Variants in ADGRV1 observed in about 807,000 individuals in gnomAD.
ADGRV1 encodes adhesion G protein-coupled receptor V1, also known as G-protein coupled receptor 98.
In ADGRV1, 359 loss-of-function variants were observed where a neutral mutation model predicts 596.2. The observed-to-expected ratio is 0.60, with a 90% confidence interval of 0.55 to 0.66. The LOEUF (loss-of-function observed/expected upper bound fraction) is 0.66. ADGRV1 is among the 30% of genes least tolerant of loss of function. The pLI, the probability that ADGRV1 is intolerant of heterozygous loss-of-function variation, is 0.00. For missense variants in ADGRV1, 7,274 were observed against 7,575.6 expected, an observed-to-expected ratio of 0.96 and a Z score of 1.48; for synonymous variants, 2,681 against 2,679.2, an observed-to-expected ratio of 1.00 and a Z score of -0.02.
chr5:90,560,312 C>A (rs1342271805), intron 1 of ADGRV1, among the ~76,000 whole-genome samples: 1 of 152,076 alleles, frequency 6.6e-6, no homozygotes, highest in African/African-American at 2.4e-5. Flanking sequence ...ACGACTGAAT[C>A]CTATCTCCAT....
At chr5:91,090,213 T>TC (rs562362190) in intron 86 of ADGRV1, among the ~76,000 whole-genome samples, 3 of 152,074 alleles carry the variant, frequency 2.0e-5, no homozygotes, top group Non-Finnish European at 4.4e-5. Flanking sequence ...ATCTATTTGA[T>TC]CCCCCCTCAG....
intron 34 of ADGRV1, among the ~76,000 whole-genome samples, chr5:90,698,681 A>G (rs1357871540): frequency 1.3e-5 from 2 of 152,286 alleles, no homozygotes; most frequent in South Asian, 2.1e-4. Context: ...GATAGCTGAA[A>G]TCTGGAAAAT....
At chr5:91,139,750 T>C (rs1239096379) in intron 87 of ADGRV1, among the ~76,000 whole-genome samples, 2 of 152,228 alleles carry the variant, frequency 1.3e-5, no homozygotes, top group Non-Finnish European at 2.9e-5. Context: ...TGTTACATAG[T>C]TCAGCCTGTT....
At chr5:90,599,315 A>T (rs1000227380) in intron 1 of ADGRV1, among the ~76,000 whole-genome samples, 5 of 152,212 alleles carry the variant, frequency 3.3e-5, no homozygotes, top group Non-Finnish European at 7.3e-5. Flanking sequence ...GCTCTCACCC[A>T]TCTAAATGAT....
chr5:91,030,240 C>A (rs1445331288), intron 85 of ADGRV1, among the ~76,000 whole-genome samples: 1 of 152,038 alleles, frequency 6.6e-6, no homozygotes, highest in South Asian at 2.1e-4. Context: ...CTTAGATAAA[C>A]CCTTTATTTT....
intron 78 of ADGRV1, among the ~76,000 whole-genome samples, chr5:90,842,607 A>G (rs929511040): frequency 1.3e-5 from 2 of 152,016 alleles, no homozygotes; most frequent in African/African-American, 4.8e-5. Flanking sequence ...AGTCCCAGCT[A>G]TTTGGGAGGC....
chr5:90,803,074 GA>G (rs1293938112), intron 71 of ADGRV1, among the ~76,000 whole-genome samples, 192 bp downstream of exon 71: 1 of 151,534 alleles, frequency 6.6e-6, no homozygotes, highest in African/African-American at 2.4e-5. Context: ...CATTCAGTAG[GA>G]AAAAAAGAGA....
Position 91,090,834 on chromosome 5 carries a change from A to G in ADGRV1, c.18311-11385A>G, listed in dbSNP as rs183656858. ...TTAAAAATTGTGGGTCACACAGTGC[A>G]TTGATGAGTCCCACTGCCAACCTAT... On this transcript the variant is annotated intron_variant, in intron 86 of 89. Coordinates refer to ENST00000405460, the MANE Select transcript of ADGRV1 (RefSeq NM_032119.4). Among the ~76,000 whole-genome samples, 56 of 152,260 alleles carry G rather than the reference A, an allele frequency of 3.7e-4. No individual in the cohort carries two copies. The East Asian group carries it at 9.7e-3, about 26-fold the overall frequency.
At chr5:90,746,889 C>G (rs961911007) in intron 52 of ADGRV1, among the ~76,000 whole-genome samples, 1 of 152,110 alleles carries the variant, frequency 6.6e-6, no homozygotes, top group African/African-American at 2.4e-5. Flanking sequence ...ATGCTACAGT[C>G]ATGTTAGAAA....
chr5:91,109,466 G>A (rs1792175263), intron 87 of ADGRV1, among the ~76,000 whole-genome samples: 1 of 152,120 alleles, frequency 6.6e-6, no homozygotes, highest in African/African-American at 2.4e-5. Flanking sequence ...TCAAAAGAGG[G>A]ACTCTGACTT....
At chr5:90,787,427 A>G (rs1450168131) in intron 67 of ADGRV1, among the ~76,000 whole-genome samples, 1 of 152,164 alleles carries the variant, frequency 6.6e-6, no homozygotes, top group Non-Finnish European at 1.5e-5. Flanking sequence ...TGCACACAGC[A>G]GGACAGTATT....
At chr5:90,596,170 G>A (rs1318732658) in intron 1 of ADGRV1, among the ~76,000 whole-genome samples, 3,736 of 144,758 alleles carry the variant, frequency 0.026, 145 homozygotes, top group African/African-American at 0.093. Flanking sequence ...GGGCAGAGGC[G>A]CTCCCCACAT....
At chr5:90,613,819 A>G (rs1218850714) in intron 1 of ADGRV1, among the ~76,000 whole-genome samples, 2 of 152,156 alleles carry the variant, frequency 1.3e-5, no homozygotes, top group Admixed American at 6.6e-5. Flanking sequence ...GTATAAAGCC[A>G]TGTGTAGCCA....
At chr5:91,071,996 A>G (rs1010373521) in intron 85 of ADGRV1, among the ~76,000 whole-genome samples, 1 of 152,110 alleles carries the variant, frequency 6.6e-6, no homozygotes, top group African/African-American at 2.4e-5. Flanking sequence ...TATTTTAAAG[A>G]TGAGAGACAG....
chr5:90,619,154 T>G lies in ADGRV1; in HGVS notation c.426T>G (p.Asn142Lys). 1 of 1,480,350 alleles carries G rather than the reference T, an allele frequency of 6.8e-7. No individual in the cohort carries two copies. The highest frequency in any genetic ancestry group is 9.1e-7 in the Non-Finnish European group (1 of 1,102,468). The allele number at this position is 1,480,350 out of a possible 1,614,324, so 91.7% of individuals were successfully genotyped here. A position where few individuals can be genotyped will look rare whatever the true frequency, so the allele number is the denominator to read the frequency against. ...CTGTGACAATATTATCAAATGACAA[T>G]GCATTTGGAATTATTTCATTTAATA... Reference protein sequence around the residue: ...TVTVTILSNDNAFGIISFNML... With the variant: ...TVTVTILSNDKAFGIISFNML... Residue 142 changes from asparagine to lysine, a missense_variant, in exon 4 of 90, where the codon AAT becomes AAG. This residue lies in a region of ADGRV1 where 1,715 missense variants were observed against 1,708.8 expected (regional missense o/e 1.00). Coordinates refer to ENST00000405460, the MANE Select transcript of ADGRV1 (RefSeq NM_032119.4).
chr5:90,576,877 A>AT (rs1257434654), intron 1 of ADGRV1, among the ~76,000 whole-genome samples: 1 of 152,032 alleles, frequency 6.6e-6, no homozygotes, highest in African/African-American at 2.4e-5. Flanking sequence ...GATGATGAGC[A>AT]TTTTTTCATG....
chr5:90,572,183 A>C (rs1756613860), intron 1 of ADGRV1, among the ~76,000 whole-genome samples: 1 of 152,114 alleles, frequency 6.6e-6, no homozygotes, highest in Non-Finnish European at 1.5e-5. Flanking sequence ...GCTGATTGGA[A>C]TGGGCAGAAG....
At chr5:90,897,890 C>A (rs1771481049) in intron 83 of ADGRV1, among the ~76,000 whole-genome samples, 2 of 152,180 alleles carry the variant, frequency 1.3e-5, no homozygotes, top group African/African-American at 2.4e-5. Flanking sequence ...AACCCCATAA[C>A]AGTAGCAGAT....
chr5:91,031,452 A>G lies in ADGRV1; in HGVS notation c.18153-40995A>G, dbSNP rs1733177075. 3 of 727,236 alleles carry G rather than the reference A, an allele frequency of 4.1e-6. No homozygotes were observed. The South Asian group carries it at 5.2e-5, about 13-fold the overall frequency. The allele number at this position is 727,236 out of a possible 1,614,324, so 45.0% of individuals were successfully genotyped here. On this transcript the variant is annotated intron_variant, in intron 85 of 89. Coordinates refer to ENST00000405460, the MANE Select transcript of ADGRV1 (RefSeq NM_032119.4). Reference sequence around the variant, plus strand: ...AGCATTAAAGAGTCACTCAACTCTGAATAATCTGGTGGCTTTGGCATTTCA... The same window carrying G: ...AGCATTAAAGAGTCACTCAACTCTGGATAATCTGGTGGCTTTGGCATTTCA...
Sources: gnomAD v4.1 joint callset for allele counts (sites outside exome capture counted in the v4.1 genomes callset) on GRCh38, gnomAD v4.1.1 for gene constraint, gnomAD v4.1.1 regional missense constraint, MANE v1.5 for transcripts, NCBI Gene and HGNC (gene_info 2026-07-23, HGNC 2026-07-21) for gene names.